The following CNTNAP5 variants were observed in gnomAD, a reference collection of about 807,000 sequenced individuals.
The protein encoded by CNTNAP5 is contactin associated protein family member 5.
In CNTNAP5, 72 loss-of-function variants were observed where a neutral mutation model predicts 150.2. That is an observed-to-expected ratio of 0.48 (90% confidence interval 0.40 to 0.58). The LOEUF (loss-of-function observed/expected upper bound fraction) is 0.58. Ranked by LOEUF, CNTNAP5 falls within the 20% of genes least tolerant of loss-of-function variation. The pLI is 0.00. For missense variants in CNTNAP5, 1,636 were observed against 1,626.2 expected (o/e 1.01, Z -0.10); for synonymous variants, 672 against 619.8 (o/e 1.08, Z -1.25).
At chr2:124,312,418 G>C (rs530318123) in intron 3 of CNTNAP5, among the ~76,000 whole-genome samples, 2 of 151,890 alleles carry the variant, frequency 1.3e-5, no homozygotes, top group Non-Finnish European at 2.9e-5. Flanking sequence ...GCGTGATCTC[G>C]GCTCACTGCA....
chr2:124,047,552 A>G (rs116437676), intron 1 of CNTNAP5, among the ~76,000 whole-genome samples: 1 of 152,334 alleles, frequency 6.6e-6, no homozygotes, highest in African/African-American at 2.4e-5. Context: ...GGATTCTAAC[A>G]CTGGTGCCTA....
At chr2:124,535,709 A>G (rs947205756) in intron 10 of CNTNAP5, among the ~76,000 whole-genome samples, 1 of 152,102 alleles carries the variant, frequency 6.6e-6, no homozygotes, top group African/African-American at 2.4e-5. Flanking sequence ...CCCAGGAAGC[A>G]GAGGTTGCAG....
intron 12 of CNTNAP5, among the ~76,000 whole-genome samples, chr2:124,628,520 G>T (rs1018175798): frequency 6.6e-6 from 1 of 152,104 alleles, no homozygotes; most frequent in Admixed American, 6.6e-5. Context: ...AAATGCTGAG[G>T]CATTTTTTCA....
chr2:124,596,019 T>A (rs1328288628), intron 11 of CNTNAP5, among the ~76,000 whole-genome samples: 2 of 107,844 alleles, frequency 1.9e-5, no homozygotes, highest in African/African-American at 3.7e-5. Flanking sequence ...TCTATTTGAT[T>A]CTTCTCTCTT....
chr2:124,701,290 G>A (rs1679515857), intron 13 of CNTNAP5, among the ~76,000 whole-genome samples: 1 of 152,018 alleles, frequency 6.6e-6, no homozygotes, highest in Non-Finnish European at 1.5e-5. Flanking sequence ...TCTTTTCTGT[G>A]TCTGGCTCAT....
chr2:124,610,246 A>G (rs752702434), intron 12 of CNTNAP5, among the ~76,000 whole-genome samples: 6 of 152,216 alleles, frequency 3.9e-5, no homozygotes, highest in Non-Finnish European at 5.9e-5. Context: ...AAGCAAACAA[A>G]CAAACAAAAC....
intron 5 of CNTNAP5, among the ~76,000 whole-genome samples, chr2:124,439,093 A>T (rs1205176236): frequency 6.6e-6 from 1 of 152,200 alleles, no homozygotes; most frequent in East Asian, 1.9e-4. Flanking sequence ...TATCAGGCAA[A>T]CAATATGTAT....
intron 13 of CNTNAP5, among the ~76,000 whole-genome samples, chr2:124,724,175 A>AATGATG (rs1553435582): frequency 1.6e-4 from 24 of 149,632 alleles, no homozygotes; most frequent in African/African-American, 5.4e-4. Context: ...TAATAATAAT[A>AATGATG]ATGATGATAC....
chr2:124,042,651 TA>T (rs1290836654), intron 1 of CNTNAP5, among the ~76,000 whole-genome samples: 8 of 152,218 alleles, frequency 5.3e-5, no homozygotes, highest in Non-Finnish European at 1.2e-4. Context: ...GTTTAAAAAT[TA>T]TCTGGTCAGG....
chr2:124,600,595 A>G (rs1379193749), intron 11 of CNTNAP5, among the ~76,000 whole-genome samples: 3 of 152,130 alleles, frequency 2.0e-5, no homozygotes, highest in Non-Finnish European at 4.4e-5. Flanking sequence ...AGAGCTATGC[A>G]AGGAAAGGAA....
chr2:124,714,156 T>G (rs1320288638), intron 13 of CNTNAP5, among the ~76,000 whole-genome samples: 1 of 152,160 alleles, frequency 6.6e-6, no homozygotes, highest in African/African-American at 2.4e-5. Flanking sequence ...AATACTTGTT[T>G]GCCTTCTCAA....
intron 3 of CNTNAP5, among the ~76,000 whole-genome samples, chr2:124,249,367 G>T (rs1687113258): frequency 6.6e-6 from 1 of 152,012 alleles, no homozygotes; most frequent in Non-Finnish European, 1.5e-5. Flanking sequence ...TCAACTAAGA[G>T]CCAGGCACCC....
At chr2:124,808,796 C>A (rs1287726290) in intron 19 of CNTNAP5, among the ~76,000 whole-genome samples, 1 of 152,016 alleles carries the variant, frequency 6.6e-6, no homozygotes, top group African/African-American at 2.4e-5. Flanking sequence ...TATGCAAGTT[C>A]TTTTTCACTT....
intron 1 of CNTNAP5, among the ~76,000 whole-genome samples, chr2:124,086,097 C>G (rs1170068969): frequency 6.7e-6 from 1 of 149,684 alleles, no homozygotes; most frequent in African/African-American, 2.5e-5. Flanking sequence ...GTGAATTTGT[C>G]TATTTCTCCT....
chr2:124,874,870 T>G (rs2104731204), intron 21 of CNTNAP5, among the ~76,000 whole-genome samples: 1 of 152,170 alleles, frequency 6.6e-6, no homozygotes, highest in Admixed American at 6.6e-5. Flanking sequence ...ACTTGCCAGT[T>G]TGATAGGCCT....
chr2:124,688,642 G>A (rs1359996320), intron 13 of CNTNAP5, among the ~76,000 whole-genome samples: 1 of 152,034 alleles, frequency 6.6e-6, no homozygotes, highest in East Asian at 1.9e-4. Context: ...GAGTTCACTC[G>A]GGGACATGCA....
chr2:124,454,304 G>T (rs1184735108), intron 6 of CNTNAP5, among the ~76,000 whole-genome samples: 1 of 152,126 alleles, frequency 6.6e-6, no homozygotes, highest in Admixed American at 6.5e-5. Context: ...AAGAGATAAA[G>T]AGAGTCATTA....
intron 17 of CNTNAP5, among the ~76,000 whole-genome samples, chr2:124,786,467 G>A (rs1381473486): frequency 2.8e-4 from 33 of 119,382 alleles, no homozygotes; most frequent in African/African-American, 1.3e-3. Flanking sequence ...AAGAAAGAAA[G>A]GAAGGAAGGA....
Position 124,676,541 on chromosome 2 carries a change from G to T in CNTNAP5, c.2077+28583G>T, listed in dbSNP as rs142324458. On this transcript the variant is annotated intron_variant, in intron 13 of 23. Transcript: ENST00000682447. ...GCTATGGGAATAGGGCTGCTCCCAT[G>T]GACTGATATCTGAGTGAGACTCTGG... Among the ~76,000 whole-genome samples, 685 of 152,320 alleles carry T rather than the reference G, an allele frequency of 4.5e-3. 5 individuals are homozygous for T. Among genetic ancestry groups the T allele is most frequent in the Non-Finnish European group, 7.6e-3 (518 of 68,034 alleles).
Sources: gnomAD v4.1 joint callset for allele counts (sites outside exome capture counted in the v4.1 genomes callset) on GRCh38, gnomAD v4.1.1 for gene constraint, MANE v1.5 for transcripts, NCBI Gene and HGNC (gene_info 2026-07-23, HGNC 2026-07-21) for gene names.